SRRM4: variants seen among roughly 807,000 people sequenced by gnomAD.
SRRM4 encodes the protein serine/arginine repetitive matrix 4.
A neutral mutation model predicts 68.9 loss-of-function variants in SRRM4; 33 were observed. That is an observed-to-expected ratio of 0.48 (90% CI 0.36 to 0.64). SRRM4 has a LOEUF of 0.64. Ranked by LOEUF, SRRM4 falls within the 30% of genes least tolerant of loss-of-function variation. The probability of loss-of-function intolerance (pLI) is 0.00; values close to 1 mark genes in which losing one functional copy is unlikely to be tolerated. For missense variants in SRRM4, 817 were observed against 827.1 expected (o/e 0.99, Z 0.15); for synonymous variants, 318 against 318.8 (o/e 1.00, Z 0.03).
At chr12:119,027,740 A>G (rs1401173402) in intron 1 of SRRM4, among the ~76,000 whole-genome samples, 1 of 152,186 alleles carries the variant, frequency 6.6e-6, no homozygotes, top group East Asian at 1.9e-4. Context: ...ACAACAGAGT[A>G]TTTATTATTA....
chr12:118,998,837 A>G (rs1953366283), intron 1 of SRRM4, among the ~76,000 whole-genome samples: 1 of 152,218 alleles, frequency 6.6e-6, no homozygotes, highest in Non-Finnish European at 1.5e-5. Context: ...TTATCTCTCT[A>G]TTCCCAGTGA....
intron 2 of SRRM4, among the ~76,000 whole-genome samples, chr12:119,111,220 C>T (rs1954141207): frequency 6.6e-6 from 1 of 152,200 alleles, no homozygotes; most frequent in Non-Finnish European, 1.5e-5. Flanking sequence ...AACCCCTGCA[C>T]CTGTAACCAG....
At chr12:119,115,383 T>C (rs1954172701) in intron 3 of SRRM4, among the ~76,000 whole-genome samples, 1 of 152,204 alleles carries the variant, frequency 6.6e-6, no homozygotes, top group Admixed American at 6.5e-5. Flanking sequence ...TGAAAGCATC[T>C]CTAGTGTGCC....
chr12:119,148,894 C>A (rs1442586688), intron 9 of SRRM4, among the ~76,000 whole-genome samples: 2 of 151,966 alleles, frequency 1.3e-5, no homozygotes, highest in Non-Finnish European at 2.9e-5. Flanking sequence ...GTGGAAGAGA[C>A]ATCAGCTCTA....
At chr12:119,041,259 G>T (rs915450332) in intron 1 of SRRM4, among the ~76,000 whole-genome samples, 1 of 152,150 alleles carries the variant, frequency 6.6e-6, no homozygotes, top group African/African-American at 2.4e-5. Context: ...CCAGTTGCAC[G>T]TGGGTCTAAT....
intron 2 of SRRM4, 52 bp from the exon 3 acceptor site, chr12:119,114,226 G>T: frequency 6.6e-7 from 1 of 1,514,292 alleles, no homozygotes; most frequent in South Asian, 1.2e-5. Flanking sequence ...GCTCTGGTTG[G>T]GGAGTTGGGG....
intron 1 of SRRM4, among the ~76,000 whole-genome samples, chr12:118,985,625 A>C (rs1953277361): frequency 6.6e-6 from 1 of 152,188 alleles, no homozygotes; most frequent in African/African-American, 2.4e-5. Flanking sequence ...AATCGATAAG[A>C]TATATGAATC....
intron 1 of SRRM4, among the ~76,000 whole-genome samples, chr12:119,042,118 C>T (rs1216253975): frequency 6.6e-6 from 1 of 152,232 alleles, no homozygotes; most frequent in Non-Finnish European, 1.5e-5. Flanking sequence ...CCCAAGAACA[C>T]GCAGTCAGTG....
Position 119,156,691 on chromosome 12 carries a change from C to A in SRRM4, c.1729C>A (p.Pro577Thr), listed in dbSNP as rs1290318083. ...SSSSSSRSPS[P>T]GSRSRSRSRS... Reference sequence around the variant, plus strand: ...CAGCTCTAGCTCCCGCAGCCCTAGTCCGGGCTCCCGCAGCCGGAGCCGGAG... The same window carrying A: ...CAGCTCTAGCTCCCGCAGCCCTAGTACGGGCTCCCGCAGCCGGAGCCGGAG... The change falls in exon 13 of 13, where the codon CCG becomes ACG. Residue 577 changes from proline (P) to threonine (T), a missense_variant. Physicochemically the swap from Pro to Thr is conservative, Grantham distance 38 (BLOSUM62 -1). Coordinates refer to ENST00000267260, the MANE Select transcript of SRRM4 (RefSeq NM_194286.4). The A allele has an allele frequency of 9.0e-6, 14 of 1,548,922 alleles. No individual in the cohort carries two copies. The highest frequency in any genetic ancestry group is 1.4e-5 in the African/African-American group (1 of 72,760).
intron 8 of SRRM4, 109 bp from the exon 9 acceptor site, chr12:119,145,272 C>G (rs1954393851): frequency 2.1e-6 from 2 of 955,522 alleles, no homozygotes; most frequent in Non-Finnish European, 3.0e-6. Flanking sequence ...TCCTCTCTCT[C>G]TCTTTCCTTT....
At chr12:119,141,992 G>C (rs956936595) in intron 8 of SRRM4, among the ~76,000 whole-genome samples, 6 of 152,326 alleles carry the variant, frequency 3.9e-5, no homozygotes, top group African/African-American at 1.4e-4. Flanking sequence ...GTGAAGTGGG[G>C]AAGAGAGGAG....
At chr12:119,112,151 T>C (rs1487699831) in intron 2 of SRRM4, among the ~76,000 whole-genome samples, 1 of 152,182 alleles carries the variant, frequency 6.6e-6, no homozygotes, top group East Asian at 1.9e-4. Flanking sequence ...TTATAACATA[T>C]AAGTGTAGTT....
chr12:118,983,176 C>T (rs146957867), intron 1 of SRRM4, among the ~76,000 whole-genome samples: 39 of 152,272 alleles, frequency 2.6e-4, no homozygotes, highest in African/African-American at 8.7e-4. Flanking sequence ...AGGTGGAAGA[C>T]GTATGGGAAA....
intron 1 of SRRM4, among the ~76,000 whole-genome samples, chr12:119,038,204 A>G (rs969985274): frequency 8.9e-6 from 1 of 111,998 alleles, no homozygotes; most frequent in Non-Finnish European, 1.8e-5. Flanking sequence ...TTGAAATTAA[A>G]AACTTTTTTT....
At chr12:119,028,917 G>A (rs577746355) in intron 1 of SRRM4, among the ~76,000 whole-genome samples, 1 of 152,148 alleles carries the variant, frequency 6.6e-6, no homozygotes, top group African/African-American at 2.4e-5. Context: ...CTTTGCCTGG[G>A]GTTTCAACAT....
intron 3 of SRRM4, 45 bp from the exon 4 acceptor site, chr12:119,116,891 GC>G (rs1954183451): frequency 6.3e-7 from 1 of 1,583,078 alleles, no homozygotes; most frequent in African/African-American, 1.4e-5. Flanking sequence ...ACCAACCTTG[GC>G]CTTTAAGAGC....
chr12:118,994,692 G>A (rs1032552985), intron 1 of SRRM4, among the ~76,000 whole-genome samples: 55 of 152,202 alleles, frequency 3.6e-4, no homozygotes, highest in Admixed American at 3.3e-3. Flanking sequence ...GTAGCTGTGC[G>A]ACCTTCAGCA....
intron 1 of SRRM4, among the ~76,000 whole-genome samples, chr12:119,004,918 C>CCCCGCTCCACTATTATTTCACTGTATTT (rs1381285641): frequency 3.3e-5 from 5 of 150,656 alleles, no homozygotes; most frequent in Admixed American, 6.6e-5. Flanking sequence ...AACCAAGGCT[C>CCCCGCTCCACTATTATTTCACTGTATTT]CCCGCTCCAC....
At chr12:119,101,061 A>T (rs745347246) in intron 1 of SRRM4, among the ~76,000 whole-genome samples, 1 of 152,180 alleles carries the variant, frequency 6.6e-6, no homozygotes, top group African/African-American at 2.4e-5. Flanking sequence ...TAGAAGCCCT[A>T]AGGAGCAGGG....
Sources: gnomAD v4.1 joint callset for allele counts (sites outside exome capture counted in the v4.1 genomes callset) on GRCh38, gnomAD v4.1.1 for gene constraint, MANE v1.5 for transcripts, NCBI Gene and HGNC (gene_info 2026-07-23, HGNC 2026-07-21) for gene names.